The following CNTNAP2 variants were observed in gnomAD, a reference collection of about 807,000 sequenced individuals.
CNTNAP2 encodes the protein contactin-associated protein-like 2.
CNTNAP2 carries 98 observed loss-of-function variants against 155.2 expected under a neutral mutation model. The ratio of observed to expected loss-of-function variants is 0.63; its 90% CI spans 0.54 to 0.75. The LOEUF is 0.75. Among genes scored for constraint, CNTNAP2 ranks in the 30% least tolerant of loss-of-function variants. The probability of loss-of-function intolerance (pLI) is 0.00; values close to 1 mark genes in which losing one functional copy is unlikely to be tolerated. For synonymous variants in CNTNAP2, 651 were observed against 631.2 expected (o/e 1.03, Z -0.47); for missense variants, 1,727 against 1,688.1 (o/e 1.02, Z -0.40).
At position 146,871,418 on chromosome 7, in the gene CNTNAP2, G is replaced by T. The variant is rs10215240; in HGVS notation, c.402+31514G>T. Among the ~76,000 whole-genome samples, 992 of 151,892 alleles carry T rather than the reference G, an allele frequency of 6.5e-3. 8 individuals carry two copies. Among genetic ancestry groups the T allele is most frequent in the African/African-American group, 0.022 (908 of 41,472 alleles). ...AATGGCAGGTGCCTGTAATCCCAGC[G>T]ACTCAGGAGGCTGAGATAGGAGAAT... On this transcript the variant is annotated intron_variant, in intron 3 of 23. Coordinates refer to ENST00000361727, the MANE Select transcript of CNTNAP2 (RefSeq NM_014141.6).
At chr7:148,404,149 C>A (rs1489658492) in intron 22 of CNTNAP2, among the ~76,000 whole-genome samples, 2 of 152,208 alleles carry the variant, frequency 1.3e-5, no homozygotes, top group Admixed American at 6.5e-5. Flanking sequence ...ACCTCTTAAT[C>A]AACTGATTTT....
intron 3 of CNTNAP2, among the ~76,000 whole-genome samples, chr7:146,843,302 G>A (rs182239821): frequency 0.021 from 3,044 of 144,182 alleles, 120 homozygotes; most frequent in African/African-American, 0.077. Flanking sequence ...GTGAGCCACC[G>A]CGCCCGGCCC....
At chr7:146,570,213 AT>A (rs11312360) in intron 1 of CNTNAP2, among the ~76,000 whole-genome samples, 104,558 of 150,474 alleles carry the variant, frequency 0.69, 36,920 homozygotes, top group South Asian at 0.83. Context: ...GACACAGCCC[AT>A]TTTTTTTTTT....
chr7:147,777,038 T>C (rs977019086), intron 13 of CNTNAP2, among the ~76,000 whole-genome samples: 1 of 152,106 alleles, frequency 6.6e-6, no homozygotes, highest in Non-Finnish European at 1.5e-5. Flanking sequence ...TTTTAAAATT[T>C]TTAGGTTAAG....
chr7:147,180,920 G>T (rs920459778), intron 8 of CNTNAP2, among the ~76,000 whole-genome samples: 1 of 152,070 alleles, frequency 6.6e-6, no homozygotes, highest in Non-Finnish European at 1.5e-5. Flanking sequence ...TCAGCAAAAT[G>T]GTTAATATAA....
intron 3 of CNTNAP2, among the ~76,000 whole-genome samples, chr7:147,015,200 A>T (rs953706036): frequency 6.6e-6 from 1 of 151,610 alleles, no homozygotes; most frequent in Non-Finnish European, 1.5e-5. Context: ...CATAGATTGG[A>T]TTTAAAAGAG....
intron 15 of CNTNAP2, among the ~76,000 whole-genome samples, chr7:148,024,176 A>AAC (rs1489592490): frequency 1.3e-5 from 2 of 151,380 alleles, no homozygotes; most frequent in South Asian, 2.1e-4. Flanking sequence ...AAAAAAAAAA[A>AAC]AAACTTTATA....
At chr7:147,553,559 T>C (rs1220099939) in intron 11 of CNTNAP2, among the ~76,000 whole-genome samples, 1 of 152,226 alleles carries the variant, frequency 6.6e-6, no homozygotes, top group East Asian at 1.9e-4. Flanking sequence ...ATTATTTAGT[T>C]AACATGCCTG....
At chr7:148,323,357 T>A (rs1017160170) in intron 21 of CNTNAP2, among the ~76,000 whole-genome samples, 1 of 143,520 alleles carries the variant, frequency 7.0e-6, no homozygotes, top group Admixed American at 7.0e-5. Context: ...TTTTTTTTTA[T>A]ACTTAAAGTT....
At chr7:146,449,820 G>A (rs1402811785) in intron 1 of CNTNAP2, among the ~76,000 whole-genome samples, 1 of 152,134 alleles carries the variant, frequency 6.6e-6, no homozygotes, top group African/African-American at 2.4e-5. Context: ...TGATTTTACA[G>A]ATTTCAATCA....
chr7:146,175,300 A>G (rs1172056072), intron 1 of CNTNAP2, among the ~76,000 whole-genome samples: 1 of 152,244 alleles, frequency 6.6e-6, no homozygotes. Flanking sequence ...ACAGAAGCAC[A>G]TGGTCACCAG....
At chr7:146,444,181 T>A (rs1049579344) in intron 1 of CNTNAP2, among the ~76,000 whole-genome samples, 7 of 152,012 alleles carry the variant, frequency 4.6e-5, no homozygotes, top group Admixed American at 2.6e-4. Context: ...CTCGCCACCA[T>A]GCCTGACAAA....
chr7:147,016,651 T>G (rs1563044918), intron 3 of CNTNAP2, among the ~76,000 whole-genome samples: 1 of 152,126 alleles, frequency 6.6e-6, no homozygotes, highest in Non-Finnish European at 1.5e-5. Flanking sequence ...TTCAAATTTT[T>G]GAATTATATT....
chr7:148,246,401 G>A (rs1796265109), intron 20 of CNTNAP2, among the ~76,000 whole-genome samples: 1 of 152,158 alleles, frequency 6.6e-6, no homozygotes, highest in African/African-American at 2.4e-5. Context: ...TGCTGTGATT[G>A]CAAAAGCAAC....
intron 17 of CNTNAP2, among the ~76,000 whole-genome samples, chr7:148,160,522 C>T (rs187608233): frequency 1.8e-3 from 279 of 152,022 alleles, no homozygotes; most frequent in Non-Finnish European, 3.1e-3. Context: ...GTGTTTGTAT[C>T]CTTTTGTTTA....
In CNTNAP2 at chr7:146,623,134, A is replaced by T. The variant is rs989833492; in HGVS notation, c.98-151137A>T. ...AACAGGATTTATGTGCAATGACTCTAGTCTTGCAAACTCTATTTCCAAAGT... is the reference window on the plus strand; with the variant it reads ...AACAGGATTTATGTGCAATGACTCTTGTCTTGCAAACTCTATTTCCAAAGT... On this transcript the variant is annotated intron_variant, in intron 1 of 23. Transcript: ENST00000361727. Among the ~76,000 whole-genome samples, 13 of 152,184 alleles carry T rather than the reference A, an allele frequency of 8.5e-5. No homozygotes were observed. The South Asian group carries it at 1.2e-3, about 15-fold the overall frequency.
At chr7:147,510,574 A>T (rs1410670280) in intron 11 of CNTNAP2, among the ~76,000 whole-genome samples, 1 of 145,656 alleles carries the variant, frequency 6.9e-6, no homozygotes, top group Non-Finnish European at 1.5e-5. Flanking sequence ...AATGGTTCCA[A>T]AAAAAAAAAA....
intron 2 of CNTNAP2, among the ~76,000 whole-genome samples, chr7:146,812,437 A>ATATAAAAAATATATATATATATATATT (rs1476047334): frequency 2.1e-5 from 3 of 142,874 alleles, no homozygotes; most frequent in Admixed American, 6.9e-5. Context: ...ATGTATATAT[A>ATATAAAAAATATATATATATATATATT]TATAAAAAAT....
intron 15 of CNTNAP2, among the ~76,000 whole-genome samples, chr7:148,099,898 A>T (rs569440188): frequency 5.0e-5 from 5 of 99,202 alleles, no homozygotes; most frequent in Admixed American, 1.5e-4. Context: ...TTTGAGACGG[A>T]GTCTCACTCT....
Sources: allele counts gnomAD v4.1 joint callset (sites outside exome capture counted in the v4.1 genomes callset), GRCh38; gene constraint gnomAD v4.1.1; transcripts MANE v1.5; gene names NCBI Gene and HGNC (gene_info 2026-07-23, HGNC 2026-07-21).